Variants in GRIFIN observed in about 807,000 individuals in gnomAD.
The protein encoded by GRIFIN is galectin-related inter-fiber protein, also known as putative grifin.
In GRIFIN, 22 loss-of-function variants were observed where a neutral mutation model predicts 18.2. That is an observed-to-expected ratio of 1.21 (90% confidence interval 0.86 to 1.73). GRIFIN has a LOEUF of 1.73. Ranked by LOEUF, GRIFIN falls within the 40% of genes most tolerant of loss-of-function variation. GRIFIN has a pLI of 0.00. For missense variants in GRIFIN, 200 were observed against 190.1 expected, an observed-to-expected ratio of 1.05 and a Z score of -0.31; for synonymous variants, 101 against 82.8, an observed-to-expected ratio of 1.22 and a Z score of -1.19.
chr7:2,476,062 C>T lies in GRIFIN; in HGVS notation c.13-63G>A, dbSNP rs554752001. ...TGCAGCCTCCTCCCTCCCACCCCCACCCCCACCCTATCCCATCTGTCCAGG... is the reference window on the plus strand; with the variant it reads ...TGCAGCCTCCTCCCTCCCACCCCCATCCCCACCCTATCCCATCTGTCCAGG... On this transcript the variant is annotated intron_variant, in intron 1 of 4. Transcript: ENST00000614228. 121 of 1,345,888 alleles carry T rather than the reference C, an allele frequency of 9.0e-5. No individual in the cohort carries two copies. In the South Asian group the frequency reaches 1.5e-3, roughly 17 times the overall value. The allele number at this position is 1,345,888 out of a possible 1,614,324, so 83.4% of individuals were successfully genotyped here. A position where few individuals can be genotyped will look rare whatever the true frequency, so the allele number is the denominator to read the frequency against.
At position 2,475,212 on chromosome 7, in the gene GRIFIN, G is replaced by A. The variant is rs1180261450; in HGVS notation, c.348C>T (p.Thr116=). Residue 116 remains threonine (T), a synonymous_variant, in exon 4 of 5, where the codon ACC becomes ACT. Coordinates refer to ENST00000614228, the MANE Select transcript of GRIFIN (RefSeq NM_001394787.1). ...FPCRQRPLGA[T]TRVRVLSDHC... The stretch of plus-strand genomic sequence containing the variant: ...GGTCACTCAGCACGCGCACCCTGGT[G>A]GTGGCGCCCAGCGGCCTCTGACGGC... The A allele has an allele frequency of 2.5e-6, 4 of 1,596,386 alleles. No individual in the cohort carries two copies. In the South Asian group the frequency reaches 4.4e-5, roughly 18 times the overall value.
chr7:2,475,026 AC>A (rs1191393265), intron 4 of GRIFIN, 114 bp downstream of exon 4: 15 of 1,248,970 alleles, frequency 1.2e-5, no homozygotes, highest in Non-Finnish European at 1.5e-5. Flanking sequence ...CAGGCAGACA[AC>A]CCCTCCCCAG....
Position 2,476,358 on chromosome 7 carries a change from A to G in GRIFIN, c.12+14T>C, listed in dbSNP as rs774603596. On this transcript the variant is annotated intron_variant, in intron 1 of 4. Coordinates refer to ENST00000614228, the MANE Select transcript of GRIFIN (RefSeq NM_001394787.1). ...TGCACCGTTCTCCTTCTCCAGGTCC[A>G]GGGTCTCACCCACCTGCACTGCCAT... 1.1e-5 allele frequency: 18 copies of G among 1,569,168 alleles called. No homozygotes were observed. In the Admixed American group the frequency reaches 2.8e-4, roughly 25 times the overall value.
chr7:2,475,606 T>C (rs763306193), intron 3 of GRIFIN, 63 bp downstream of exon 3: 2 of 1,425,744 alleles, frequency 1.4e-6, no homozygotes, highest in Non-Finnish European at 1.8e-6. Context: ...CGCTGCCCAC[T>C]GGCCCCCTGT....
In GRIFIN at chr7:2,475,216, G is replaced by A. The variant is rs765536255; in HGVS notation, c.344C>T (p.Ala115Val). The stretch of plus-strand genomic sequence containing the variant: ...ACTCAGCACGCGCACCCTGGTGGTG[G>A]CGCCCAGCGGCCTCTGACGGCATGG... ...QFPCRQRPLG[A>V]TTRVRVLSDH... is the part of the protein sequence containing the mutation. Residue 115 changes from alanine to valine, a missense_variant, in exon 4 of 5, where the codon GCC becomes GTC. Ala to Val is a moderately conservative substitution (Grantham distance 64). Coordinates refer to ENST00000614228, the MANE Select transcript of GRIFIN (RefSeq NM_001394787.1). 1.1e-5 allele frequency: 17 copies of A among 1,596,354 alleles called. No individual in the cohort carries two copies. The highest frequency in any genetic ancestry group is 1.4e-5 in the Non-Finnish European group (17 of 1,178,790).
intron 1 of GRIFIN, 85 bp downstream of exon 1, chr7:2,476,287 A>C: frequency 1.4e-6 from 2 of 1,430,620 alleles, no homozygotes; most frequent in Non-Finnish European, 9.5e-7. Context: ...CCCATACCCC[A>C]TCTCTGTGCA....
Position 2,475,946 on chromosome 7 carries a change from C to T in GRIFIN, c.66G>A (p.Gln22=), listed in dbSNP as rs1778956982. 1 of 1,598,250 alleles carries T rather than the reference C, an allele frequency of 6.3e-7. No homozygotes were observed. The highest frequency in any genetic ancestry group is 1.3e-5 in the African/African-American group (1 of 74,898). ...TGTCCTCTCCAGAGTCAGCATGTCC[C>T]TGGACCAGCAGCTTCCAGCCGGGGG... ...GLAPGWKLLV[Q]GHADSGEDRF... The change falls in exon 2 of 5, where the codon CAG becomes CAA. Residue 22 remains glutamine, a synonymous_variant. Transcript: ENST00000614228.
At position 2,475,677 on chromosome 7, in the gene GRIFIN, G is replaced by T. The variant is rs1292027076; in HGVS notation, c.244C>A (p.Pro82Thr). ...ACCCAGGCCCCTGTCACCTCAAAGGGCTCCCCCGGGGCCAGCGGGAAGATG... is the reference window on the plus strand; with the variant it reads ...ACCCAGGCCCCTGTCACCTCAAAGGTCTCCCCCGGGGCCAGCGGGAAGATG... ...SSIFPLAPGE[P>T]FEIEVSWDAE... The change falls in exon 3 of 5, where the codon CCC becomes ACC. Residue 82 changes from proline (P) to threonine (T), a missense_variant. Transcript: ENST00000614228. 3 of 1,507,054 alleles carry T rather than the reference G, an allele frequency of 2.0e-6. No individual in the cohort carries two copies. The highest frequency in any genetic ancestry group is 2.7e-6 in the Non-Finnish European group (3 of 1,127,692). 93.4% of individuals were successfully genotyped at this position (1,507,054 alleles called of 1,614,324 possible).
intron 4 of GRIFIN, 101 bp from the exon 5 acceptor site, chr7:2,474,986 G>T: frequency 1.2e-6 from 1 of 842,686 alleles, no homozygotes; most frequent in Non-Finnish European, 1.8e-6. Flanking sequence ...GATATGCAGG[G>T]CTGGCAGGGA....
intron 1 of GRIFIN, 168 bp from the exon 2 acceptor site, chr7:2,476,167 C>T (rs1778960990): frequency 2.8e-6 from 1 of 356,378 alleles, no homozygotes; most frequent in African/African-American, 2.2e-5. Context: ...GTCTTTGTGA[C>T]AGGGTGACCA....
Position 2,476,018 on chromosome 7 carries a change from G to A in GRIFIN, c.13-19C>T. 1.9e-6 allele frequency: 3 copies of A among 1,593,032 alleles called. No individual in the cohort carries two copies. On this transcript the variant is annotated intron_variant, in intron 1 of 4. Coordinates refer to ENST00000614228, the MANE Select transcript of GRIFIN (RefSeq NM_001394787.1). ...CTTTAGACTGAGTGGAAGAGACAGG[G>A]GGACCAGCCTCATGGGGCTGCAGCC... is the stretch of plus-strand genomic sequence containing the variant.
chr7:2,476,387 C>A lies in GRIFIN; in HGVS notation c.-4G>T. ...TCTCACCCACCTGCACTGCCATCTG[C>A]TCCCAGCCACTGTGGGAGGGCGCGG... On this transcript the variant is annotated 5_prime_UTR_variant, in exon 1 of 5. Coordinates refer to ENST00000614228, the MANE Select transcript of GRIFIN (RefSeq NM_001394787.1). 1.9e-6 allele frequency: 3 copies of A among 1,578,540 alleles called. No homozygotes were observed. Among genetic ancestry groups the A allele is most frequent in the African/African-American group, 1.4e-5 (1 of 73,902 alleles).
chr7:2,475,686 G>C lies in GRIFIN; in HGVS notation c.235C>G (p.Pro79Ala). The change falls in exon 3 of 5, where the codon CCG becomes GCG. Residue 79 changes from proline to alanine, a missense_variant. Coordinates refer to ENST00000614228, the MANE Select transcript of GRIFIN (RefSeq NM_001394787.1). ...EQVSSIFPLA[P>A]GEPFEIEVSW... Reference sequence around the variant, plus strand: ...CCTGTCACCTCAAAGGGCTCCCCCGGGGCCAGCGGGAAGATGCTAGACACC... The same window carrying C: ...CCTGTCACCTCAAAGGGCTCCCCCGCGGCCAGCGGGAAGATGCTAGACACC... 1.3e-6 allele frequency: 2 copies of C among 1,522,414 alleles called. No homozygotes were observed. Among genetic ancestry groups the C allele is most frequent in the Non-Finnish European group, 1.8e-6 (2 of 1,135,378 alleles). The allele number at this position is 1,522,414 out of a possible 1,614,324, so 94.3% of individuals were successfully genotyped here. A position where few individuals can be genotyped will look rare whatever the true frequency, so the allele number is the denominator to read the frequency against.
At chr7:2,475,551 A>G (rs1778944540) in intron 3 of GRIFIN, 118 bp downstream of exon 3, 7 of 1,343,528 alleles carry the variant, frequency 5.2e-6, no homozygotes, top group Admixed American at 2.9e-5. Context: ...GAGGCCACCC[A>G]GACCTTGCCC....
At chr7:2,475,857 C>G (rs779315671) in intron 2 of GRIFIN, 29 bp from the exon 3 acceptor site, 1 of 1,581,998 alleles carries the variant, frequency 6.3e-7, no homozygotes, top group East Asian at 2.3e-5. Flanking sequence ...GGGTCAAGAG[C>G]TGCAAAGAGC....
chr7:2,476,297 A>G (rs376696703), intron 1 of GRIFIN, 75 bp downstream of exon 1: 4 of 1,489,330 alleles, frequency 2.7e-6, no homozygotes, highest in Non-Finnish European at 3.6e-6. Flanking sequence ...ATCTCTGTGC[A>G]GAGAGAGCAC....
chr7:2,476,087 G>A (rs1778960099), intron 1 of GRIFIN, 88 bp from the exon 2 acceptor site: 3 of 1,140,728 alleles, frequency 2.6e-6, no homozygotes, highest in Non-Finnish European at 3.7e-6. Flanking sequence ...ATCTGTCCAG[G>A]AAGGTCCCTG....
At chr7:2,476,282 ACCCCAT>A in intron 1 of GRIFIN, 84 bp downstream of exon 1, 1 of 1,416,204 alleles carries the variant, frequency 7.1e-7, no homozygotes, top group Admixed American at 2.0e-5. Flanking sequence ...CAGAGCCCAT[ACCCCAT>A]CTCTGTGCAG....
Position 2,474,775 on chromosome 7 carries a change from A to G in GRIFIN, c.*95T>C. 1 of 444,518 alleles carries G rather than the reference A, an allele frequency of 2.2e-6. No homozygotes were observed. The highest frequency in any genetic ancestry group is 3.3e-5 in the East Asian group (1 of 30,746). The allele number at this position is 444,518 out of a possible 1,614,324, so 27.5% of individuals were successfully genotyped here. A position where few individuals can be genotyped will look rare whatever the true frequency, so the allele number is the denominator to read the frequency against. ...GGTGGAGCTGCGAGGAGCACACAGG[A>G]CCACAGACCCCCTCACCCAGCTGCC... is the stretch of plus-strand genomic sequence containing the variant. On this transcript the variant is annotated 3_prime_UTR_variant, in exon 5 of 5. Transcript: ENST00000614228.
Sources: allele counts gnomAD v4.1 joint callset, GRCh38; gene constraint gnomAD v4.1.1; transcripts MANE v1.5; gene names NCBI Gene and HGNC (gene_info 2026-07-23, HGNC 2026-07-21).